Variants in NEMP2 observed in about 807,000 individuals in gnomAD.
NEMP2 encodes nuclear envelope integral membrane protein 2, also known as UPF0571 transmembrane protein.
A neutral mutation model predicts 54.2 loss-of-function variants in NEMP2; 53 were observed. The observed-to-expected ratio is 0.98, with a 90% CI of 0.78 to 1.23. NEMP2 has a LOEUF of 1.23. Among genes scored for constraint, NEMP2 ranks in the 50% most tolerant of loss-of-function variants. The probability of loss-of-function intolerance (pLI) is 0.00; values close to 1 mark genes in which losing one functional copy is unlikely to be tolerated. For synonymous variants in NEMP2, 197 were observed against 190.3 expected, an observed-to-expected ratio of 1.04 and a Z score of -0.29; for missense variants, 455 against 511.3, an observed-to-expected ratio of 0.89 and a Z score of 1.06.
the NEMP2 span, chr2:190,454,077 AG>A: frequency 1.3e-5 from 2 of 152,184 alleles, no homozygotes; most frequent in South Asian, 4.1e-4. This position sits in a 1 kb window ranked among gnomAD's most constrained non-coding sequence, Gnocchi z 4.6. Context: ...AAATTATTGT[AG>A]GCCTCGCAAT....
In NEMP2 at chr2:190,527,304, C is replaced by T. The variant is rs1421793848; in HGVS notation, c.98-1926G>A. ...CATGTAGGGAATAATACTGAATATGCTCACACAAGGCCCTGGTCCTGGCCT... is the reference window on the plus strand; with the variant it reads ...CATGTAGGGAATAATACTGAATATGTTCACACAAGGCCCTGGTCCTGGCCT... On this transcript the variant is annotated intron_variant, in intron 1 of 8. Coordinates refer to ENST00000409150, the MANE Select transcript of NEMP2 (RefSeq NM_001142645.2). The surrounding 1 kb of genome is among the most constrained non-coding windows in gnomAD (Gnocchi z 4.0). 6.6e-6 allele frequency among the ~76,000 whole-genome samples: 1 copy of T among 152,104 alleles called. No individual in the cohort carries two copies. Among genetic ancestry groups the T allele is most frequent in the Non-Finnish European group, 1.5e-5 (1 of 68,014 alleles).
Position 190,509,251 on chromosome 2 carries a change from C to T in NEMP2, c.1192G>A (p.Glu398Lys). 1 of 1,551,724 alleles carries T rather than the reference C, an allele frequency of 6.4e-7. No homozygotes were observed. Among genetic ancestry groups the T allele is most frequent in the Non-Finnish European group, 8.7e-7 (1 of 1,147,010 alleles). Residue 398 changes from glutamate to lysine, a missense_variant, in exon 9 of 9, where the codon GAG (glutamate) becomes AAG (lysine). Transcript: ENST00000409150. The surrounding 1 kb of genome is among the most constrained non-coding windows in gnomAD (Gnocchi z 6.1). ...LSPEEISLHE[E>K]QYGLGGAFLE... ...AAGGCACCCCCAAGGCCATACTGCT[C>T]TTCATGCAGACTGATTTCTTCAGGT...
chr2:190,573,920 C>T, the NEMP2 span, among the ~76,000 whole-genome samples: 1 of 152,126 alleles, frequency 6.6e-6, no homozygotes, highest in Non-Finnish European at 1.5e-5. Context: ...CACTAATCTT[C>T]AGAATAAATT....
chr2:190,528,472 A>C lies in NEMP2; in HGVS notation c.98-3094T>G, dbSNP rs186562974. Among the ~76,000 whole-genome samples, 1 of 152,252 alleles carries C rather than the reference A, an allele frequency of 6.6e-6. No individual in the cohort carries two copies. The highest frequency in any genetic ancestry group is 1.5e-5 in the Non-Finnish European group (1 of 68,008). Reference sequence around the variant, plus strand: ...AAAAGTGATTCCTACCTATCGTTGGAAAGGGAGTGCATTCCAGCAGGGCAG... The same window carrying C: ...AAAAGTGATTCCTACCTATCGTTGGCAAGGGAGTGCATTCCAGCAGGGCAG... On this transcript the variant is annotated intron_variant, in intron 1 of 8. Coordinates refer to ENST00000409150, the MANE Select transcript of NEMP2 (RefSeq NM_001142645.2). The surrounding 1 kb of genome is among the most constrained non-coding windows in gnomAD (Gnocchi z 4.3).
chr2:190,625,011 T>G, the NEMP2 span: 5 of 152,332 alleles, frequency 3.3e-5, no homozygotes, highest in East Asian at 7.7e-4. Context: ...TTGGTGAGAA[T>G]GCAAATGATG....
At chr2:190,541,608 G>T in the NEMP2 span, among the ~76,000 whole-genome samples, 1 of 152,308 alleles carries the variant, frequency 6.6e-6, no homozygotes, top group East Asian at 1.9e-4. This position sits in a 1 kb window ranked among gnomAD's most constrained non-coding sequence, Gnocchi z 5.2. Flanking sequence ...TATTAAAGCT[G>T]TTAGTAGATT....
the NEMP2 span, among the ~76,000 whole-genome samples, chr2:190,566,130 T>C: frequency 6.6e-6 from 1 of 151,982 alleles, no homozygotes; most frequent in Admixed American, 6.6e-5. Context: ...GGGCAACTAG[T>C]CCCTTCATTG....
the NEMP2 span, among the ~76,000 whole-genome samples, chr2:190,550,647 A>G: frequency 2.6e-5 from 4 of 152,262 alleles, 1 homozygote; most frequent in South Asian, 8.3e-4. The surrounding 1 kb of genome is among the most constrained non-coding windows in gnomAD (Gnocchi z 4.7). Context: ...TCCCTTCTCT[A>G]TTTTTTAATA....
the NEMP2 span, among the ~76,000 whole-genome samples, chr2:190,455,934 CT>C: frequency 1.2e-4 from 8 of 65,370 alleles, no homozygotes; most frequent in African/African-American, 4.6e-4. Context: ...ATTTACTCTG[CT>C]TTTTTTTTTT....
At chr2:190,617,050 T>G in the NEMP2 span, 1 of 151,586 alleles carries the variant, frequency 6.6e-6, no homozygotes, top group Non-Finnish European at 1.5e-5. The surrounding 1 kb of genome is among the most constrained non-coding windows in gnomAD (Gnocchi z 5.0). Flanking sequence ...CGCCTGAGCC[T>G]GGGAGGTTGA....
At chr2:190,561,597 C>A in the NEMP2 span, among the ~76,000 whole-genome samples, 7 of 152,142 alleles carry the variant, frequency 4.6e-5, no homozygotes, top group Non-Finnish European at 4.4e-5. The surrounding 1 kb of genome is among the most constrained non-coding windows in gnomAD (Gnocchi z 5.4). Context: ...AGCTCTGTCT[C>A]CAAATATAGT....
At chr2:190,624,226 A>T in the NEMP2 span, among the ~76,000 whole-genome samples, 1 of 152,248 alleles carries the variant, frequency 6.6e-6, no homozygotes, top group Non-Finnish European at 1.5e-5. Flanking sequence ...CATCAGGGAA[A>T]TGCAAAGCAA....
the NEMP2 span, among the ~76,000 whole-genome samples, chr2:190,492,738 C>A: frequency 5.7e-3 from 873 of 152,120 alleles, 7 homozygotes; most frequent in Middle Eastern, 0.044. This position sits in a 1 kb window ranked among gnomAD's most constrained non-coding sequence, Gnocchi z 5.2. Context: ...CTTTTTCAGA[C>A]AAACAAATGC....
At chr2:190,449,689 A>G in the NEMP2 span, among the ~76,000 whole-genome samples, 1 of 152,178 alleles carries the variant, frequency 6.6e-6, no homozygotes, top group Admixed American at 6.5e-5. Flanking sequence ...CAGCCATAAA[A>G]AATGATGAGT....
chr2:190,463,777 G>A, the NEMP2 span: 23 of 654,684 alleles, frequency 3.5e-5, no homozygotes, highest in Admixed American at 1.3e-4. This position sits in a 1 kb window ranked among gnomAD's most constrained non-coding sequence, Gnocchi z 4.4. Context: ...CTGTGATGAC[G>A]CTACTGCACT....
the NEMP2 span, among the ~76,000 whole-genome samples, chr2:190,450,391 A>T: frequency 6.6e-6 from 1 of 152,052 alleles, no homozygotes; most frequent in Non-Finnish European, 1.5e-5. Flanking sequence ...TTTCTGAAAT[A>T]CTGAGCAATT....
chr2:190,427,734 T>TTTTC, the NEMP2 span, among the ~76,000 whole-genome samples: 123 of 152,204 alleles, frequency 8.1e-4, 1 homozygote, highest in Non-Finnish European at 1.5e-3. Flanking sequence ...CCACTTTTTT[T>TTTTC]TTTTCTTTTT....
the NEMP2 span, among the ~76,000 whole-genome samples, chr2:190,620,665 C>T: frequency 1.1e-4 from 17 of 152,148 alleles, no homozygotes; most frequent in Non-Finnish European, 2.1e-4. The surrounding 1 kb of genome is among the most constrained non-coding windows in gnomAD (Gnocchi z 4.9). Flanking sequence ...TAGCATCATA[C>T]ACAATAGTGA....
chr2:190,469,957 C>A, the NEMP2 span: 1 of 758,860 alleles, frequency 1.3e-6, no homozygotes, highest in Admixed American at 2.5e-5. The surrounding 1 kb of genome is among the most constrained non-coding windows in gnomAD (Gnocchi z 5.3). Context: ...GAAGGGCAGG[C>A]CTACTGTTTC....
Sources: gnomAD v4.1 joint callset for allele counts (sites outside exome capture counted in the v4.1 genomes callset) on GRCh38, gnomAD v4.1.1 for gene constraint, Gnocchi (gnomAD v3.1) non-coding constraint, MANE v1.5 for transcripts, NCBI Gene and HGNC (gene_info 2026-07-23, HGNC 2026-07-21) for gene names.